GPHN: variants seen among roughly 807,000 people sequenced by gnomAD.
GPHN encodes gephyrin.
In GPHN, 17 loss-of-function variants were observed where a neutral mutation model predicts 95.5. That is an observed-to-expected ratio of 0.18 (90% CI 0.12 to 0.27). The LOEUF (loss-of-function observed/expected upper bound fraction) is 0.27, where lower values mean the gene tolerates loss of function less well. Ranked by LOEUF, GPHN falls within the 10% of genes least tolerant of loss-of-function variation. GPHN has a pLI of 1.00. For missense variants in GPHN, 660 were observed against 978.1 expected (o/e 0.67, Z 4.34); for synonymous variants, 320 against 322.5 (o/e 0.99, Z 0.08).
At chr14:66,615,840 T>C (rs770699761) in intron 1 of GPHN, among the ~76,000 whole-genome samples, 4 of 152,056 alleles carry the variant, frequency 2.6e-5, no homozygotes, top group Non-Finnish European at 4.4e-5. Context: ...TAGGTTTTTT[T>C]TTTATGGTTT....
At chr14:67,324,969 A>G in the GPHN span, among the ~76,000 whole-genome samples, 2 of 140,644 alleles carry the variant, frequency 1.4e-5, no homozygotes, top group Non-Finnish European at 3.0e-5. Context: ...CAGTAGCGCA[A>G]TCTCGGCTGA....
the GPHN span, chr14:67,198,961 A>C: frequency 1.4e-6 from 1 of 702,788 alleles, no homozygotes; most frequent in Non-Finnish European, 2.6e-6. Context: ...CTAACTCTTA[A>C]TACATTCGAG....
intron 3 of GPHN, among the ~76,000 whole-genome samples, chr14:66,798,843 T>C (rs750951602): frequency 4.3e-4 from 65 of 151,878 alleles, no homozygotes; most frequent in Non-Finnish European, 8.6e-4. Flanking sequence ...TTTATTTCTT[T>C]TCTGCTACTA....
intron 1 of GPHN, among the ~76,000 whole-genome samples, chr14:66,555,492 G>T (rs1004368055): frequency 6.6e-6 from 1 of 151,948 alleles, no homozygotes; most frequent in African/African-American, 2.4e-5. Context: ...TCCTATGATT[G>T]CCCCCCCGCA....
At chr14:67,325,330 G>GAC in the GPHN span, among the ~76,000 whole-genome samples, 5 of 151,982 alleles carry the variant, frequency 3.3e-5, no homozygotes, top group Non-Finnish European at 1.5e-5. Flanking sequence ...GTTAAGAAAT[G>GAC]ATATATATAT....
chr14:67,425,916 T>A, the GPHN span, among the ~76,000 whole-genome samples: 29 of 139,372 alleles, frequency 2.1e-4, no homozygotes, highest in East Asian at 5.0e-3. Flanking sequence ...AAAAAAAAAA[T>A]TTTTTTTTTT....
At chr14:67,332,755 C>T in the GPHN span, 4 of 1,589,118 alleles carry the variant, frequency 2.5e-6, no homozygotes, top group Non-Finnish European at 3.4e-6. Context: ...GGAATTATCT[C>T]ACAGTTTTTA....
At chr14:66,813,204 A>G (rs924043231) in intron 3 of GPHN, among the ~76,000 whole-genome samples, 5 of 152,224 alleles carry the variant, frequency 3.3e-5, no homozygotes, top group African/African-American at 1.2e-4. Context: ...AATAACTTTT[A>G]TAATTATTTT....
At chr14:67,513,540 C>A in the GPHN span, among the ~76,000 whole-genome samples, 1 of 152,302 alleles carries the variant, frequency 6.6e-6, no homozygotes, top group East Asian at 1.9e-4. Context: ...ATGCTGTGTC[C>A]CCAGTTGCCT....
chr14:67,459,032 C>A, the GPHN span, among the ~76,000 whole-genome samples: 7 of 152,136 alleles, frequency 4.6e-5, no homozygotes, highest in African/African-American at 1.7e-4. Flanking sequence ...GGATTACAGG[C>A]ACCCGCCACC....
At chr14:66,679,100 G>T (rs932874644) in intron 1 of GPHN, among the ~76,000 whole-genome samples, 2 of 152,204 alleles carry the variant, frequency 1.3e-5, no homozygotes, top group Admixed American at 1.3e-4. Flanking sequence ...CCTCAGGCCC[G>T]AAGTCTCCCT....
chr14:66,643,825 C>T (rs1045650641), intron 1 of GPHN, among the ~76,000 whole-genome samples: 1 of 150,780 alleles, frequency 6.6e-6, no homozygotes, highest in African/African-American at 2.4e-5. Flanking sequence ...TTGGTGTTTT[C>T]ACTCTTTTTA....
At chr14:67,182,149 A>G (rs1337370672), downstream of GPHN, among the ~76,000 whole-genome samples, 1 of 152,224 alleles carries the variant, frequency 6.6e-6, no homozygotes, top group Non-Finnish European at 1.5e-5. Flanking sequence ...AAACATCTAC[A>G]GTTCTTTGAA....
At chr14:66,528,934 A>G (rs1297926181) in intron 1 of GPHN, among the ~76,000 whole-genome samples, 3 of 152,124 alleles carry the variant, frequency 2.0e-5, no homozygotes, top group African/African-American at 7.2e-5. Flanking sequence ...TCTGTCGATT[A>G]TGTGTCTTGG....
chr14:67,170,539 C>T (rs2082541641), intron 21 of GPHN, among the ~76,000 whole-genome samples: 1 of 152,156 alleles, frequency 6.6e-6, no homozygotes, highest in South Asian at 2.1e-4. Context: ...TTGTAACATC[C>T]ACCATCTCTT....
Position 67,075,171 on chromosome 14 carries a change from C to T in GPHN, c.1145-13812C>T, listed in dbSNP as rs76502739. 5.4e-3 allele frequency among the ~76,000 whole-genome samples: 816 copies of T among 152,272 alleles called. 10 individuals are homozygous for T. Among genetic ancestry groups the T allele is most frequent in the East Asian group, 8.7e-3 (45 of 5,180 alleles). ...TGGTGACTTTAAGTTGAAGCCAATACTCATTGGCCATTCTAAAAATCCTAG... is the reference window on the plus strand; with the variant it reads ...TGGTGACTTTAAGTTGAAGCCAATATTCATTGGCCATTCTAAAAATCCTAG... On this transcript the variant is annotated intron_variant, in intron 11 of 22. Coordinates refer to ENST00000478722, the MANE Select transcript of GPHN (RefSeq NM_020806.5).
At chr14:66,659,174 T>TG (rs2065485973) in intron 1 of GPHN, among the ~76,000 whole-genome samples, 4 of 151,664 alleles carry the variant, frequency 2.6e-5, no homozygotes. Context: ...GTGTGTGTGT[T>TG]TGTGTGCACG....
At chr14:67,212,515 T>TG in the GPHN span, among the ~76,000 whole-genome samples, 1 of 149,558 alleles carries the variant, frequency 6.7e-6, no homozygotes, top group Non-Finnish European at 1.5e-5. Flanking sequence ...CACCTAATCC[T>TG]GGGGGGTTGA....
intron 8 of GPHN, among the ~76,000 whole-genome samples, chr14:66,941,683 T>TAAAAAAAAAAAAAAA (rs72495022): frequency 7.2e-6 from 1 of 138,684 alleles, no homozygotes; most frequent in African/African-American, 2.7e-5. Flanking sequence ...AAAGCCTTGG[T>TAAAAAAAAAAAAAAA]AAAAAAAAAA....
Sources: gnomAD v4.1 joint callset for allele counts (sites outside exome capture counted in the v4.1 genomes callset) on GRCh38, gnomAD v4.1.1 for gene constraint, MANE v1.5 for transcripts, NCBI Gene and HGNC (gene_info 2026-07-23, HGNC 2026-07-21) for gene names.